Variants in ITIH5 observed in about 807,000 individuals in gnomAD.
ITIH5 encodes the protein inter-alpha-trypsin inhibitor heavy chain 5.
Under a neutral mutation model 77.5 loss-of-function variants are expected in ITIH5, and 65 were observed. That is an observed-to-expected ratio of 0.84 (90% confidence interval 0.69 to 1.03). The LOEUF (loss-of-function observed/expected upper bound fraction) is 1.03, where lower values mean the gene tolerates loss of function less well. Ranked by LOEUF, ITIH5 falls within the 50% of genes least tolerant of loss-of-function variation. The probability of loss-of-function intolerance (pLI) is 0.00; values close to 1 mark genes in which losing one functional copy is unlikely to be tolerated. For synonymous variants in ITIH5, 525 were observed against 494.3 expected (o/e 1.06, Z -0.82); for missense variants, 1,208 against 1,213.1 (o/e 1.00, Z 0.06).
intron 7 of ITIH5, among the ~76,000 whole-genome samples, chr10:7,610,447 A>G (rs7083191): frequency 0.095 from 14,415 of 152,288 alleles, 927 homozygotes; most frequent in African/African-American, 0.18. Flanking sequence ...AGTAATTATT[A>G]AATGCCAACT....
chr10:7,603,177 G>A (rs149083594), intron 7 of ITIH5, among the ~76,000 whole-genome samples: 69 of 152,232 alleles, frequency 4.5e-4, no homozygotes, highest in African/African-American at 1.3e-3. Context: ...GCTAAAAAAC[G>A]CGTGGTATAT....
Position 7,563,008 on chromosome 10 carries a change from G to A in ITIH5, c.*75C>T. 8 of 1,265,680 alleles carry A rather than the reference G, an allele frequency of 6.3e-6. No individual in the cohort carries two copies. The highest frequency in any genetic ancestry group is 9.1e-6 in the Non-Finnish European group (8 of 881,712). 78.4% of individuals were successfully genotyped at this position (1,265,680 alleles called of 1,614,324 possible). A position where few individuals can be genotyped will look rare whatever the true frequency, so the allele number is the denominator to read the frequency against. The stretch of plus-strand genomic sequence containing the variant: ...TTGCCAGGAGCTGAGGCGTGTACAA[G>A]CCATGAAAAGAGCTGCCCCACGGCC... On this transcript the variant is annotated 3_prime_UTR_variant, in exon 14 of 14. Coordinates refer to ENST00000397146, the MANE Select transcript of ITIH5 (RefSeq NM_030569.7).
intron 11 of ITIH5, chr10:7,571,383 G>A (rs1408935172): frequency 6.6e-6 from 1 of 152,040 alleles, no homozygotes; most frequent in Non-Finnish European, 1.5e-5. Context: ...CCTTCGCACA[G>A]CCTTCCATAC....
Position 7,566,199 on chromosome 10 carries a change from C to T in ITIH5, c.2358G>A (p.Leu786=). 1.2e-6 allele frequency: 2 copies of T among 1,614,000 alleles called. No homozygotes were observed. The highest frequency in any genetic ancestry group is 1.3e-5 in the African/African-American group (1 of 75,014). ...NQSVVVGSWG[L]EVSVSANANV... is the part of the protein sequence containing the mutation. ...TGGCGTTGGCAGACACGGACACCTC[C>T]AGCCCCCAGCTCCCCACCACCACAC... Residue 786 remains leucine, a synonymous_variant, in exon 13 of 14, where the codon CTG becomes CTA. Transcript: ENST00000397146.
chr10:7,648,097 CA>C (rs1490607500), intron 2 of ITIH5, among the ~76,000 whole-genome samples: 1 of 147,668 alleles, frequency 6.8e-6, no homozygotes, highest in Non-Finnish European at 1.5e-5. Context: ...AAAAAAAATA[CA>C]AAAAATTAGC....
intron 2 of ITIH5, among the ~76,000 whole-genome samples, chr10:7,644,014 A>G (rs1387409306): frequency 2.6e-5 from 4 of 152,152 alleles, no homozygotes; most frequent in Admixed American, 6.5e-5. Flanking sequence ...GCCAAGGTGG[A>G]CAGATCACCT....
At chr10:7,584,626 T>C (rs1274701787) in intron 8 of ITIH5, among the ~76,000 whole-genome samples, 1 of 152,124 alleles carries the variant, frequency 6.6e-6, no homozygotes, top group African/African-American at 2.4e-5. Context: ...TAAAGCTGTT[T>C]ATTACTCCAT....
At chr10:7,584,857 C>T (rs984936499) in intron 8 of ITIH5, among the ~76,000 whole-genome samples, 1 of 152,210 alleles carries the variant, frequency 6.6e-6, no homozygotes, top group Non-Finnish European at 1.5e-5. Flanking sequence ...ATCTAATCTT[C>T]TATTTCTCCC....
chr10:7,622,321 CTT>C (rs1355787400), intron 5 of ITIH5: 5 of 152,124 alleles, frequency 3.3e-5, no homozygotes, highest in African/African-American at 1.2e-4. Flanking sequence ...AAACGACTGA[CTT>C]AATATTCCTG....
chr10:7,580,504 G>A (rs1021819410), intron 8 of ITIH5, among the ~76,000 whole-genome samples: 1 of 152,202 alleles, frequency 6.6e-6, no homozygotes, highest in African/African-American at 2.4e-5. Context: ...CCAGAAACTT[G>A]CTAAAAGCAA....
At chr10:7,568,398 G>A (rs1007806725) in intron 12 of ITIH5, among the ~76,000 whole-genome samples, 3 of 152,116 alleles carry the variant, frequency 2.0e-5, no homozygotes, top group African/African-American at 7.2e-5. Flanking sequence ...GCATTTTCAG[G>A]CTGAGTTCCC....
chr10:7,642,362 C>A (rs529087206), intron 2 of ITIH5, among the ~76,000 whole-genome samples: 1 of 152,228 alleles, frequency 6.6e-6, no homozygotes, highest in South Asian at 2.1e-4. Flanking sequence ...GTGAAGACGT[C>A]CAATTTGGCA....
intron 11 of ITIH5, chr10:7,572,078 AT>A (rs1202810191): frequency 9.6e-7 from 1 of 1,036,960 alleles, no homozygotes; most frequent in Non-Finnish European, 1.2e-6. Flanking sequence ...TCCAGGCAGC[AT>A]CCAAGAGGAA....
rs61273324 is a variant in ITIH5, at chr10:7,576,722, G to C, written c.1709C>G (p.Thr570Ser). The C allele has an allele frequency of 5.8e-4, 944 of 1,613,806 alleles. 5 individuals are homozygous for C. The East Asian group carries it at 0.018, about 31-fold the overall frequency. The change falls in exon 10 of 14, where the codon ACC (threonine) becomes AGC (serine). Residue 570 changes from threonine to serine, a missense_variant. By Grantham distance (58) the Thr-to-Ser change is moderately conservative. Coordinates refer to ENST00000397146, the MANE Select transcript of ITIH5 (RefSeq NM_030569.7). The stretch of plus-strand genomic sequence containing the variant: ...GCTCCAGAGACGCTCGATGTGGTTG[G>C]TGTCCCCCTCTCCATCGCCTCCAGG... ...PRPGGDGEGDTNHIERLWSYL... is the reference protein window; with the variant it reads ...PRPGGDGEGDSNHIERLWSYL...
chr10:7,666,660 T>C, intron 1 of ITIH5, 143 bp downstream of exon 1: 1 of 594,328 alleles, frequency 1.7e-6, no homozygotes, highest in South Asian at 2.2e-5. Flanking sequence ...GACGCACGAG[T>C]GACCCACAGA....
chr10:7,568,494 C>T (rs1406309184), intron 12 of ITIH5, among the ~76,000 whole-genome samples: 1 of 152,180 alleles, frequency 6.6e-6, no homozygotes, highest in Non-Finnish European at 1.5e-5. Context: ...AGTTAGGCCC[C>T]TATCTTGCTC....
At chr10:7,663,750 G>A (rs1588435945) in intron 1 of ITIH5, among the ~76,000 whole-genome samples, 1 of 152,222 alleles carries the variant, frequency 6.6e-6, no homozygotes, top group African/African-American at 2.4e-5. Context: ...GAGAGGTTAA[G>A]TGACTTGCCC....
chr10:7,617,078 C>T, intron 6 of ITIH5, 35 bp downstream of exon 6: 2 of 1,437,652 alleles, frequency 1.4e-6, no homozygotes, highest in Non-Finnish European at 1.8e-6. Flanking sequence ...AAGTACCAAC[C>T]AACCAACATG....
chr10:7,580,095 C>G, intron 8 of ITIH5, 31 bp from the exon 9 acceptor site: 1 of 1,535,516 alleles, frequency 6.5e-7, no homozygotes, highest in Non-Finnish European at 8.8e-7. Flanking sequence ...ACAGCTCAAG[C>G]CTCTGCACTC....
Sources: allele counts gnomAD v4.1 joint callset (sites outside exome capture counted in the v4.1 genomes callset), GRCh38; gene constraint gnomAD v4.1.1; transcripts MANE v1.5; gene names NCBI Gene and HGNC (gene_info 2026-07-23, HGNC 2026-07-21).